DGAT2: variants seen among roughly 807,000 people sequenced by gnomAD.
DGAT2 encodes the protein acyl-CoA retinol O-fatty-acyltransferase.
In DGAT2, 33 loss-of-function variants were observed where a neutral mutation model predicts 48.4. The ratio of observed to expected loss-of-function variants is 0.68; its 90% CI spans 0.52 to 0.91. The LOEUF (loss-of-function observed/expected upper bound fraction) is 0.91. DGAT2 is among the 40% of genes least tolerant of loss of function. The pLI is 0.00. For missense variants in DGAT2, 446 were observed against 493.7 expected (o/e 0.90, Z 0.92); for synonymous variants, 191 against 194.1 (o/e 0.98, Z 0.13).
In DGAT2 at chr11:75,796,425, CAG is replaced by C; in HGVS notation, c.530_531del (p.Glu177GlyfsTer66). ...CTGGGTGCCTTCTGCAACTTCAGCA[CAG>C]AGGCCACAGAAGTGAGCAAGAAGTT... On this transcript the variant is annotated frameshift_variant, in exon 5 of 8. Coordinates refer to ENST00000228027, the MANE Select transcript of DGAT2 (RefSeq NM_032564.5). LOFTEE classifies it high-confidence loss of function. 1 of 1,614,160 alleles carries C rather than the reference CAG, an allele frequency of 6.2e-7. No individual in the cohort carries two copies. The highest frequency in any genetic ancestry group is 8.5e-7 in the Non-Finnish European group (1 of 1,180,026).
intron 1 of DGAT2, 24 bp downstream of exon 1, chr11:75,769,136 A>G (rs758439413): frequency 1.7e-5 from 26 of 1,534,178 alleles, no homozygotes; most frequent in Non-Finnish European, 2.2e-5. Context: ...CGCAGGGGTT[A>G]TGGACCTGCG....
chr11:75,782,479 C>T (rs1708777336), intron 1 of DGAT2, among the ~76,000 whole-genome samples: 1 of 152,224 alleles, frequency 6.6e-6, no homozygotes, highest in Admixed American at 6.5e-5. Flanking sequence ...TAACCAGCCT[C>T]CGGTGGCCAT....
chr11:75,778,858 T>G (rs1279637774), intron 1 of DGAT2, among the ~76,000 whole-genome samples: 2 of 149,914 alleles, frequency 1.3e-5, no homozygotes, highest in African/African-American at 5.0e-5. Flanking sequence ...AAAAAAAATT[T>G]AATGTTCCCC....
intron 1 of DGAT2, chr11:75,784,410 G>A: frequency 1.9e-6 from 1 of 540,476 alleles, no homozygotes; most frequent in Non-Finnish European, 3.2e-6. Flanking sequence ...TGTATCTATA[G>A]AAACCAGGGC....
chr11:75,800,142 C>T (rs1945095038), intron 7 of DGAT2, among the ~76,000 whole-genome samples: 1 of 152,200 alleles, frequency 6.6e-6, no homozygotes, highest in Non-Finnish European at 1.5e-5. Flanking sequence ...CAGCTTAGCA[C>T]CTGGTGGCCT....
Position 75,787,990 on chromosome 11 carries a change from G to A in DGAT2, c.251-2198G>A, listed in dbSNP as rs558166841. Among the ~76,000 whole-genome samples the A allele has an allele frequency of 9.8e-5, 15 of 152,320 alleles. No individual in the cohort carries two copies. The South Asian group carries it at 3.1e-3, about 32-fold the overall frequency. ...CAGGCTGCCTCAGCAGCAGAGTAAG[G>A]ACAAGTGGGTAGGGTTACCCCCCTT... On this transcript the variant is annotated intron_variant, in intron 2 of 7. Transcript: ENST00000228027.
chr11:75,770,490 C>A (rs796861804), intron 1 of DGAT2, among the ~76,000 whole-genome samples: 14 of 152,276 alleles, frequency 9.2e-5, no homozygotes, highest in African/African-American at 3.4e-4. Context: ...TTCCCTGTGT[C>A]CTTTGATGTC....
At position 75,769,122 on chromosome 11, in the gene DGAT2, A is replaced by G. The variant is rs1944730793; in HGVS notation, c.121+10A>G. 1 of 1,562,274 alleles carries G rather than the reference A, an allele frequency of 6.4e-7. No homozygotes were observed. Among genetic ancestry groups the G allele is most frequent in the Non-Finnish European group, 8.6e-7 (1 of 1,160,716 alleles). ...GGGTCTGGGAGATGGGGTGAGTGCC[A>G]CGGCGCAGGGGTTATGGACCTGCGA... On this transcript the variant is annotated intron_variant, in intron 1 of 7. Transcript: ENST00000228027.
intron 1 of DGAT2, chr11:75,776,958 A>G (rs1195039146): frequency 6.6e-6 from 1 of 151,798 alleles, no homozygotes; most frequent in East Asian, 1.9e-4. Context: ...ATAATATACA[A>G]CCTGTTACTG....
In DGAT2 at chr11:75,798,356, C is replaced by A. The variant is rs1375524844; in HGVS notation, c.939C>A (p.Ile313=). The A allele has an allele frequency of 6.2e-7, 1 of 1,614,190 alleles. No homozygotes were observed. The highest frequency in any genetic ancestry group is 1.1e-5 in the South Asian group (1 of 91,086). Residue 313 remains isoleucine (I), a synonymous_variant, in exon 7 of 8, where the codon ATC becomes ATA. Coordinates refer to ENST00000228027, the MANE Select transcript of DGAT2 (RefSeq NM_032564.5). ...AATACATTGGTTTCGCCCCATGCAT[C>A]TTCCATGGTCGAGGCCTCTTCTCCT... ...FQKYIGFAPC[I]FHGRGLFSSD... is the part of the protein sequence containing the mutation.
At position 75,784,619 on chromosome 11, in the gene DGAT2, C is replaced by G; in HGVS notation, c.123C>G (p.Gly41=). 3 of 1,613,994 alleles carry G rather than the reference C, an allele frequency of 1.9e-6. No homozygotes were observed. Among genetic ancestry groups the G allele is most frequent in the Non-Finnish European group, 2.5e-6 (3 of 1,179,912 alleles). ...ACTGACATCTTCCCTCTGCTGTAGG[C>G]ACTGGATCCAGCATCCTCTCCGCCC... The part of the protein sequence containing the change: ...ALSREGSGRW[G]TGSSILSALQ... Residue 41 remains glycine (G), a splice_region_variant and synonymous_variant, in exon 2 of 8, where the codon GGC becomes GGG. Transcript: ENST00000228027.
intron 7 of DGAT2, among the ~76,000 whole-genome samples, chr11:75,799,763 A>G (rs1442542069): frequency 6.6e-6 from 1 of 151,748 alleles, no homozygotes; most frequent in East Asian, 1.9e-4. Context: ...ACAGGCGTGC[A>G]CCACCACACC....
chr11:75,783,290 C>G (rs779219268), intron 1 of DGAT2, among the ~76,000 whole-genome samples: 6 of 152,196 alleles, frequency 3.9e-5, no homozygotes, highest in Non-Finnish European at 8.8e-5. Context: ...TCTGATGCAT[C>G]ACACCAGGGA....
intron 6 of DGAT2, among the ~76,000 whole-genome samples, chr11:75,797,818 G>T (rs561758230): frequency 2.6e-5 from 4 of 152,304 alleles, no homozygotes; most frequent in African/African-American, 7.2e-5. Flanking sequence ...CACCAAGGGT[G>T]GGGGAGGGTA....
intron 1 of DGAT2, among the ~76,000 whole-genome samples, chr11:75,778,331 C>T (rs1328410467): frequency 1.3e-5 from 2 of 152,094 alleles, no homozygotes; most frequent in East Asian, 1.9e-4. Flanking sequence ...AGGGCCCTGG[C>T]GAAGCCTCAT....
chr11:75,779,407 C>T (rs1944837064), intron 1 of DGAT2, among the ~76,000 whole-genome samples: 1 of 152,140 alleles, frequency 6.6e-6, no homozygotes, highest in African/African-American at 2.4e-5. Context: ...GTCCTGGCTC[C>T]CACACCCTGA....
At chr11:75,777,069 A>C (rs1944809688) in intron 1 of DGAT2, 1 of 152,268 alleles carries the variant, frequency 6.6e-6, no homozygotes, top group Admixed American at 6.5e-5. Flanking sequence ...ACCTAGACCC[A>C]GGGCAGACAT....
intron 7 of DGAT2, 25 bp from the exon 8 acceptor site, chr11:75,800,329 A>C: frequency 6.2e-7 from 1 of 1,611,270 alleles, no homozygotes; most frequent in Non-Finnish European, 8.5e-7. Flanking sequence ...TTGACTAACC[A>C]GAAGCCTCTG....
intron 1 of DGAT2, among the ~76,000 whole-genome samples, chr11:75,781,634 GGAA>G (rs1555060043): frequency 6.6e-6 from 1 of 152,234 alleles, no homozygotes; most frequent in Non-Finnish European, 1.5e-5. Context: ...CAGGCAGATG[GGAA>G]GTGAGGGTTC....
Sources: gnomAD v4.1 joint callset for allele counts (sites outside exome capture counted in the v4.1 genomes callset) on GRCh38, gnomAD v4.1.1 for gene constraint, MANE v1.5 for transcripts, NCBI Gene and HGNC (gene_info 2026-07-23, HGNC 2026-07-21) for gene names.